Variants in TET1 observed in about 807,000 individuals in gnomAD.
The protein encoded by TET1 is methylcytosine dioxygenase TET1.
A neutral mutation model predicts 148.7 loss-of-function variants in TET1; 13 were observed. The ratio of observed to expected loss-of-function variants is 0.09; its 90% CI spans 0.06 to 0.14. The LOEUF (loss-of-function observed/expected upper bound fraction) is 0.14. TET1 is among the 10% of genes least tolerant of loss of function. TET1 has a pLI of 1.00. For missense variants in TET1, 2,182 were observed against 2,553.8 expected (o/e 0.85, Z 3.14); for synonymous variants, 907 against 937.2 (o/e 0.97, Z 0.59).
At chr10:68,628,242 C>T (rs760558028) in intron 3 of TET1, among the ~76,000 whole-genome samples, 2 of 152,164 alleles carry the variant, frequency 1.3e-5, no homozygotes, top group Non-Finnish European at 2.9e-5. Context: ...CCACTGCCCC[C>T]GGCCGAAATG....
intron 1 of TET1, among the ~76,000 whole-genome samples, chr10:68,561,649 C>T (rs1466754902): frequency 6.6e-6 from 1 of 151,954 alleles, no homozygotes; most frequent in Non-Finnish European, 1.5e-5. Flanking sequence ...GCACAACCTA[C>T]CGCCCCCAGA....
At chr10:68,578,221 C>T (rs974403538) in intron 2 of TET1, among the ~76,000 whole-genome samples, 2 of 152,068 alleles carry the variant, frequency 1.3e-5, no homozygotes, top group African/African-American at 2.4e-5. Flanking sequence ...GGCAACATAG[C>T]GACATAAACC....
intron 7 of TET1, among the ~76,000 whole-genome samples, chr10:68,670,070 A>T (rs150078058): frequency 2.0e-5 from 3 of 152,198 alleles, no homozygotes; most frequent in African/African-American, 7.2e-5. Context: ...TGAGAGCTAG[A>T]TGTAGACTTT....
At chr10:68,562,544 G>T (rs909162112) in intron 1 of TET1, among the ~76,000 whole-genome samples, 2 of 152,180 alleles carry the variant, frequency 1.3e-5, no homozygotes, top group African/African-American at 4.8e-5. Context: ...AGTCTTTAAA[G>T]CTAAGTTGTG....
chr10:68,689,685 G>A (rs768315457), intron 11 of TET1, among the ~76,000 whole-genome samples: 39 of 152,110 alleles, frequency 2.6e-4, no homozygotes, highest in South Asian at 4.2e-4. Flanking sequence ...AGGCTGAGGC[G>A]GGGGAATCGC....
intron 6 of TET1, among the ~76,000 whole-genome samples, chr10:68,660,437 T>G (rs1463711539): frequency 6.6e-6 from 1 of 151,098 alleles, no homozygotes; most frequent in Non-Finnish European, 1.5e-5. Context: ...TCTCCTGGTT[T>G]CAAGCGATTC....
chr10:68,602,111 G>C (rs1391638318), intron 3 of TET1, among the ~76,000 whole-genome samples: 1 of 152,126 alleles, frequency 6.6e-6, no homozygotes, highest in South Asian at 2.1e-4. Context: ...GCATTTTCAT[G>C]TACCTGTTTC....
rs374330506 is a variant in TET1, at chr10:68,681,492, T to C, written c.4914+4T>C. The C allele has an allele frequency of 6.3e-7, 1 of 1,590,386 alleles. No homozygotes were observed. The highest frequency in any genetic ancestry group is 1.3e-5 in the African/African-American group (1 of 74,356). ...TCCAGTAGCTTACCAAAATCAGGTA[T>C]GTATTGGTATGAACTTTTTATTTAT... On this transcript the variant is annotated splice_donor_region_variant and intron_variant, in intron 9 of 11. Coordinates refer to ENST00000373644, the MANE Select transcript of TET1 (RefSeq NM_030625.3).
At position 68,672,900 on chromosome 10, in the gene TET1, C is replaced by G; in HGVS notation, c.4679C>G (p.Thr1560Ser). ...DRRCTLNENR[T>S]CTCQGIDPET... ...CTTGAATTACAATCTTACAGTCGTA[C>G]CTGTACATGTCAAGGAATTGATCCA... is the stretch of plus-strand genomic sequence containing the variant. The change falls in exon 8 of 12, where the codon ACC becomes AGC. Residue 1560 changes from threonine (T) to serine (S), a missense_variant. Transcript: ENST00000373644. 6.2e-7 allele frequency: 1 copy of G among 1,608,908 alleles called. No homozygotes were observed. The highest frequency in any genetic ancestry group is 1.1e-5 in the South Asian group (1 of 90,378).
At position 68,682,790 on chromosome 10, in the gene TET1, A is replaced by G. The variant is rs2055454040; in HGVS notation, c.4915-46A>G. 7.0e-6 allele frequency: 11 copies of G among 1,570,270 alleles called. No homozygotes were observed. In the African/African-American group the frequency reaches 1.5e-4, roughly 22 times the overall value. On this transcript the variant is annotated intron_variant, in intron 9 of 11. Transcript: ENST00000373644. Reference sequence around the variant, plus strand: ...TTTTACTCTTTACTGAAGGTAGGTGATTTCCTTCTCTCTCTTAAGATTGTG... The same window carrying G: ...TTTTACTCTTTACTGAAGGTAGGTGGTTTCCTTCTCTCTCTTAAGATTGTG...
chr10:68,642,465 G>T (rs1039218245), intron 3 of TET1, among the ~76,000 whole-genome samples: 2 of 151,854 alleles, frequency 1.3e-5, no homozygotes, highest in African/African-American at 4.8e-5. Flanking sequence ...AGATAAATAA[G>T]GATTAGAGGA....
intron 6 of TET1, among the ~76,000 whole-genome samples, chr10:68,662,953 C>T (rs1242041370): frequency 1.3e-5 from 2 of 152,150 alleles, no homozygotes; most frequent in Non-Finnish European, 2.9e-5. Context: ...AAAAAAAGAA[C>T]AGTTTTAAAA....
intron 3 of TET1, among the ~76,000 whole-genome samples, chr10:68,634,778 G>A (rs2054625899): frequency 6.6e-6 from 1 of 151,998 alleles, no homozygotes; most frequent in Non-Finnish European, 1.5e-5. Context: ...TTGTTTGTTT[G>A]TTTTGAGATG....
chr10:68,622,392 G>A (rs190985866), intron 3 of TET1, among the ~76,000 whole-genome samples: 1 of 152,176 alleles, frequency 6.6e-6, no homozygotes, highest in Non-Finnish European at 1.5e-5. Context: ...AGCCTCCAGA[G>A]TAGCTGGGAT....
chr10:68,574,364 T>C, intron 2 of TET1, 112 bp downstream of exon 2: 1 of 827,152 alleles, frequency 1.2e-6, no homozygotes, highest in Non-Finnish European at 1.8e-6. Flanking sequence ...ATTGCTTCAC[T>C]ATTACATATT....
intron 3 of TET1, among the ~76,000 whole-genome samples, chr10:68,621,853 C>G (rs1375713372): frequency 2.0e-5 from 3 of 151,978 alleles, no homozygotes; most frequent in African/African-American, 7.3e-5. Flanking sequence ...TAAACCTGAG[C>G]CTTGAGGGAG....
At chr10:68,640,666 C>A (rs1377616971) in intron 3 of TET1, among the ~76,000 whole-genome samples, 2 of 147,818 alleles carry the variant, frequency 1.4e-5, no homozygotes, top group Non-Finnish European at 3.0e-5. Context: ...ATTCTCCTGC[C>A]TCAGCCTCCC....
At chr10:68,655,791 C>A (rs12356836) in intron 6 of TET1, among the ~76,000 whole-genome samples, 1 of 152,232 alleles carries the variant, frequency 6.6e-6, no homozygotes, top group Non-Finnish European at 1.5e-5. Context: ...GTTGCCTGGG[C>A]TAGAGTGCAC....
chr10:68,615,097 G>C (rs2054269776), intron 3 of TET1, among the ~76,000 whole-genome samples: 1 of 151,606 alleles, frequency 6.6e-6, no homozygotes, highest in Admixed American at 6.6e-5. Context: ...ACCACACCCG[G>C]CTAATTTTTG....
Sources: gnomAD v4.1 joint callset for allele counts (sites outside exome capture counted in the v4.1 genomes callset) on GRCh38, gnomAD v4.1.1 for gene constraint, MANE v1.5 for transcripts, NCBI Gene and HGNC (gene_info 2026-07-23, HGNC 2026-07-21) for gene names.